INSL6: variants seen among roughly 807,000 people sequenced by gnomAD.
INSL6 encodes insulin like 6, also known as insulin-like peptide INSL6.
INSL6 carries 16 observed loss-of-function variants against 9.4 expected under a neutral mutation model. That is an observed-to-expected ratio of 1.70 (90% CI 1.15 to 2.59). The LOEUF (loss-of-function observed/expected upper bound fraction) is 2.59. Among genes scored for constraint, INSL6 ranks in the 30% most tolerant of loss-of-function variants. The probability of loss-of-function intolerance (pLI) is 0.00; values close to 1 mark genes in which losing one functional copy is unlikely to be tolerated. For synonymous variants in INSL6, 154 were observed against 96.9 expected (o/e 1.59, Z -3.46); for missense variants, 391 against 257.3 (o/e 1.52, Z -3.56).
the INSL6 span, among the ~76,000 whole-genome samples, chr9:4,998,930 TCCTG>T: frequency 6.6e-6 from 1 of 151,648 alleles, no homozygotes; most frequent in Non-Finnish European, 1.5e-5. Context: ...CACGCCATTC[TCCTG>T]CCTCAGCCTC....
the INSL6 span, among the ~76,000 whole-genome samples, chr9:4,999,282 T>G: frequency 6.6e-6 from 1 of 152,226 alleles, no homozygotes; most frequent in Non-Finnish European, 1.5e-5. Flanking sequence ...TTAGATTTCT[T>G]GTTTCTTAAG....
At chr9:5,042,954 C>T in the INSL6 span, among the ~76,000 whole-genome samples, 1 of 152,238 alleles carries the variant, frequency 6.6e-6, no homozygotes, top group Admixed American at 6.5e-5. Context: ...GCACCTGTTC[C>T]CCGAGGCTGT....
chr9:5,183,774 GAA>G (rs368352633), intron 1 of INSL6, among the ~76,000 whole-genome samples: 1,529 of 146,118 alleles, frequency 0.01, 20 homozygotes, highest in African/African-American at 0.034. Flanking sequence ...GAGTTTAAAA[GAA>G]AAAAAAAAGA....
intron 3 of INSL6, chr9:5,126,632 A>G: frequency 7.7e-7 from 1 of 1,293,436 alleles, no homozygotes; most frequent in Admixed American, 1.9e-5. Context: ...TCCACCAATT[A>G]AAAGATGGCC....
chr9:5,041,452 C>A, the INSL6 span: 1 of 613,626 alleles, frequency 1.6e-6, no homozygotes, highest in Non-Finnish European at 3.1e-6. Context: ...GCAGCCTCCC[C>A]TGGCAGGGGC....
intron 3 of INSL6, among the ~76,000 whole-genome samples, chr9:5,125,165 G>C (rs1019709794): frequency 6.6e-6 from 1 of 150,422 alleles, no homozygotes; most frequent in Non-Finnish European, 1.5e-5. Context: ...TCAATATTGT[G>C]GTATGTTACC....
the INSL6 span, chr9:5,109,750 C>G: frequency 6.6e-6 from 1 of 152,148 alleles, no homozygotes; most frequent in South Asian, 2.1e-4. Flanking sequence ...AATATTTATT[C>G]TAGTAGCACT....
chr9:5,152,034 A>C (rs988214903), intron 2 of INSL6, among the ~76,000 whole-genome samples: 4 of 152,226 alleles, frequency 2.6e-5, no homozygotes, highest in African/African-American at 9.6e-5. Flanking sequence ...TCAATTTACC[A>C]AAAAAATGAT....
chr9:5,159,661 T>C (rs1343824905), downstream of INSL6, among the ~76,000 whole-genome samples: 2 of 152,158 alleles, frequency 1.3e-5, no homozygotes, highest in African/African-American at 2.4e-5. Context: ...GCAAACATTG[T>C]TGGAGCTAAT....
chr9:5,000,776 T>C, the INSL6 span, among the ~76,000 whole-genome samples: 1 of 152,226 alleles, frequency 6.6e-6, no homozygotes. Context: ...TTGTTTGATA[T>C]ATTTGTATAT....
the INSL6 span, chr9:5,077,488 CT>C: frequency 7.3e-7 from 1 of 1,363,656 alleles, no homozygotes; most frequent in Admixed American, 2.4e-5. Flanking sequence ...ATTTGGATCA[CT>C]AGATACATAT....
At chr9:5,132,377 A>T (rs1824308267) in intron 3 of INSL6, among the ~76,000 whole-genome samples, 1 of 152,172 alleles carries the variant, frequency 6.6e-6, no homozygotes, top group Non-Finnish European at 1.5e-5. Flanking sequence ...CAACATCTTT[A>T]ATTTCTCTTA....
At chr9:5,112,153 C>T in the INSL6 span, 1 of 300,142 alleles carries the variant, frequency 3.3e-6, no homozygotes, top group Non-Finnish European at 6.7e-6. Context: ...TAGCAACGTG[C>T]ACACGCTGCT....
At chr9:5,042,545 C>T in the INSL6 span, among the ~76,000 whole-genome samples, 1 of 152,204 alleles carries the variant, frequency 6.6e-6, no homozygotes. Context: ...CCACCCCCAC[C>T]CCTCCATTAC....
the INSL6 span, among the ~76,000 whole-genome samples, chr9:5,014,958 TAA>T: frequency 1.3e-5 from 2 of 152,104 alleles, no homozygotes; most frequent in Non-Finnish European, 2.9e-5. Flanking sequence ...GAGATTTGTT[TAA>T]CACATGTATA....
At chr9:5,072,549 G>A in the INSL6 span, 2 of 1,610,474 alleles carry the variant, frequency 1.2e-6, no homozygotes, top group Admixed American at 1.7e-5. Context: ...ACGAAGAGAA[G>A]TAGGAGACTA....
the INSL6 span, among the ~76,000 whole-genome samples, chr9:5,057,454 A>G: frequency 6.6e-6 from 1 of 152,118 alleles, no homozygotes; most frequent in Non-Finnish European, 1.5e-5. Context: ...TAGTAGTGTT[A>G]AGTATATTCA....
chr9:5,137,352 A>C (rs1305564389), intron 2 of INSL6, among the ~76,000 whole-genome samples: 1 of 152,192 alleles, frequency 6.6e-6, no homozygotes. Context: ...GAGGCATCAC[A>C]CTACCTGACT....
At chr9:5,010,228 T>C in the INSL6 span, among the ~76,000 whole-genome samples, 1 of 152,204 alleles carries the variant, frequency 6.6e-6, no homozygotes, top group Admixed American at 6.5e-5. Flanking sequence ...AACTTTTAAT[T>C]TTACTCCTTT....
Sources: allele counts gnomAD v4.1 joint callset (sites outside exome capture counted in the v4.1 genomes callset), GRCh38; gene constraint gnomAD v4.1.1; transcripts MANE v1.5; gene names NCBI Gene and HGNC (gene_info 2026-07-23, HGNC 2026-07-21).